The following SLC25A21 variants were observed in gnomAD, a reference collection of about 807,000 sequenced individuals.
SLC25A21 encodes the protein mitochondrial 2-oxodicarboxylate carrier.
In SLC25A21, 47 loss-of-function variants were observed where a neutral mutation model predicts 43.8. The ratio of observed to expected loss-of-function variants is 1.07; its 90% confidence interval spans 0.85 to 1.37. The LOEUF is 1.37. SLC25A21 is among the 40% of genes most tolerant of loss of function. The pLI, the probability that SLC25A21 is intolerant of heterozygous loss-of-function variation, is 0.00. For synonymous variants in SLC25A21, 131 were observed against 121.3 expected, an observed-to-expected ratio of 1.08 and a Z score of -0.52; for missense variants, 352 against 350.2, an observed-to-expected ratio of 1.00 and a Z score of -0.04.
chr14:36,771,932 T>C (rs1361946178), intron 3 of SLC25A21, among the ~76,000 whole-genome samples: 4 of 152,178 alleles, frequency 2.6e-5, no homozygotes, highest in Non-Finnish European at 4.4e-5. Flanking sequence ...TCTGGGCTCA[T>C]TGGGCCTCAT....
chr14:37,144,658 G>A (rs535452700), intron 1 of SLC25A21, among the ~76,000 whole-genome samples: 4 of 152,248 alleles, frequency 2.6e-5, no homozygotes, highest in African/African-American at 9.6e-5. Context: ...GTAGTTAAGT[G>A]AAATAAGATA....
intron 1 of SLC25A21, among the ~76,000 whole-genome samples, chr14:36,891,886 T>C (rs954280251): frequency 2.6e-5 from 4 of 152,158 alleles, no homozygotes; most frequent in Admixed American, 1.3e-4. Context: ...GGCAGGAACC[T>C]GTGTCACATA....
At position 36,805,961 on chromosome 14, in the gene SLC25A21, T is replaced by C. The variant is rs564333641; in HGVS notation, c.203+7957A>G. On this transcript the variant is annotated intron_variant, in intron 3 of 9. Transcript: ENST00000331299. Reference sequence around the variant, plus strand: ...TGGGTGCAGTAGCTCACACCTGTAATCCCAGCACTTTGGGAGGCCGAGACA... The same window carrying C: ...TGGGTGCAGTAGCTCACACCTGTAACCCCAGCACTTTGGGAGGCCGAGACA... Among the ~76,000 whole-genome samples the C allele has an allele frequency of 9.9e-5, 15 of 152,198 alleles. No homozygotes were observed. In the South Asian group the frequency reaches 3.1e-3, roughly 32 times the overall value.
intron 1 of SLC25A21, among the ~76,000 whole-genome samples, chr14:37,050,664 C>T (rs1961683977): frequency 6.6e-6 from 1 of 152,206 alleles, no homozygotes; most frequent in Non-Finnish European, 1.5e-5. Context: ...GATGACAGAT[C>T]TGGCCCATTC....
intron 1 of SLC25A21, among the ~76,000 whole-genome samples, chr14:37,158,177 C>A (rs952744115): frequency 2.0e-5 from 3 of 152,156 alleles, no homozygotes; most frequent in Admixed American, 6.5e-5. Context: ...AATACCAATT[C>A]TCCTGAAACT....
chr14:37,007,834 G>A (rs564730918), intron 1 of SLC25A21, among the ~76,000 whole-genome samples: 1 of 151,954 alleles, frequency 6.6e-6, no homozygotes, highest in South Asian at 2.1e-4. Context: ...CCCATTTCAA[G>A]GATTCTGCAT....
At chr14:36,796,073 A>G (rs2138410678) in intron 3 of SLC25A21, among the ~76,000 whole-genome samples, 1 of 152,326 alleles carries the variant, frequency 6.6e-6, no homozygotes, top group Non-Finnish European at 1.5e-5. Context: ...ATTTGTTAAG[A>G]AAATGAAATG....
intron 1 of SLC25A21, among the ~76,000 whole-genome samples, chr14:37,146,283 G>A (rs1594816536): frequency 6.6e-6 from 1 of 152,148 alleles, no homozygotes; most frequent in Non-Finnish European, 1.5e-5. Flanking sequence ...TCTTTTGTGT[G>A]TGTGTGACAG....
chr14:36,981,755 T>C (rs1960030263), intron 1 of SLC25A21, among the ~76,000 whole-genome samples: 1 of 152,100 alleles, frequency 6.6e-6, no homozygotes, highest in Admixed American at 6.5e-5. Flanking sequence ...AGTTAATGGG[T>C]GCAGCATACC....
At chr14:37,100,013 A>G (rs945575090) in intron 1 of SLC25A21, among the ~76,000 whole-genome samples, 3 of 151,646 alleles carry the variant, frequency 2.0e-5, no homozygotes, top group Non-Finnish European at 2.9e-5. Context: ...TTCCAGCTCA[A>G]ATGCCACCAC....
chr14:36,687,356 A>C (rs1882601417), intron 7 of SLC25A21, among the ~76,000 whole-genome samples: 1 of 151,690 alleles, frequency 6.6e-6, no homozygotes, highest in African/African-American at 2.4e-5. Context: ...CAAAATACAG[A>C]TGCCTGGGTC....
intron 1 of SLC25A21, among the ~76,000 whole-genome samples, chr14:37,129,339 G>A (rs906298433): frequency 2.0e-5 from 3 of 152,128 alleles, no homozygotes; most frequent in African/African-American, 7.2e-5. Flanking sequence ...GTTTGGAGAC[G>A]ATATTGTCCT....
intron 1 of SLC25A21, among the ~76,000 whole-genome samples, chr14:36,982,334 C>G (rs1960046684): frequency 6.6e-6 from 1 of 152,116 alleles, no homozygotes; most frequent in Admixed American, 6.6e-5. Context: ...TGTGAACATT[C>G]CTTAATGAGT....
intron 1 of SLC25A21, among the ~76,000 whole-genome samples, chr14:36,946,567 C>T (rs1892684260): frequency 6.6e-6 from 1 of 152,044 alleles, no homozygotes; most frequent in East Asian, 1.9e-4. Context: ...ATTTTGCCTG[C>T]CTGGTATAAA....
chr14:36,868,268 C>T (rs1179110151), intron 2 of SLC25A21, among the ~76,000 whole-genome samples: 1 of 151,972 alleles, frequency 6.6e-6, no homozygotes, highest in African/African-American at 2.4e-5. Flanking sequence ...ATGAGGGGTC[C>T]ACTCACAATT....
chr14:36,856,354 T>A (rs1362220462), intron 2 of SLC25A21, among the ~76,000 whole-genome samples: 1 of 152,314 alleles, frequency 6.6e-6, no homozygotes, highest in African/African-American at 2.4e-5. Context: ...CATTCTTTGA[T>A]TCCAAAGCGG....
intron 1 of SLC25A21, among the ~76,000 whole-genome samples, chr14:36,970,111 CA>C (rs1013846706): frequency 1.3e-5 from 2 of 151,950 alleles, no homozygotes; most frequent in Non-Finnish European, 2.9e-5. Context: ...AAAAAACAAA[CA>C]ATATATCAGT....
At chr14:36,893,321 G>C (rs762655424) in intron 1 of SLC25A21, among the ~76,000 whole-genome samples, 2 of 152,164 alleles carry the variant, frequency 1.3e-5, no homozygotes, top group Admixed American at 6.5e-5. Context: ...ATTTTTTCAT[G>C]TGTCTGTTGG....
intron 3 of SLC25A21, among the ~76,000 whole-genome samples, chr14:36,766,670 C>T (rs1173460440): frequency 6.6e-6 from 1 of 152,110 alleles, no homozygotes; most frequent in East Asian, 1.9e-4. Context: ...GTTCCATTTG[C>T]TCTGGTTTCT....
Sources: allele counts gnomAD v4.1 joint callset (sites outside exome capture counted in the v4.1 genomes callset), GRCh38; gene constraint gnomAD v4.1.1; transcripts MANE v1.5; gene names NCBI Gene and HGNC (gene_info 2026-07-23, HGNC 2026-07-21).